Variants in PPFIA2 observed in about 807,000 individuals in gnomAD.
The protein encoded by PPFIA2 is PPFI scaffold protein A2.
PPFIA2 carries 46 observed loss-of-function variants against 175.5 expected under a neutral mutation model. The ratio of observed to expected loss-of-function variants is 0.26; its 90% CI spans 0.21 to 0.34. The LOEUF (loss-of-function observed/expected upper bound fraction) is 0.34. Among genes scored for constraint, PPFIA2 ranks in the 10% least tolerant of loss-of-function variants. PPFIA2 has a pLI of 1.00. For synonymous variants in PPFIA2, 568 were observed against 511.4 expected, an observed-to-expected ratio of 1.11 and a Z score of -1.49; for missense variants, 1,179 against 1,506.1, an observed-to-expected ratio of 0.78 and a Z score of 3.60.
At chr12:81,486,943 A>G (rs2058889129) in intron 4 of PPFIA2, among the ~76,000 whole-genome samples, 2 of 151,972 alleles carry the variant, frequency 1.3e-5, no homozygotes, top group Admixed American at 1.3e-4. Flanking sequence ...CTTATAGTCA[A>G]ATAATAAACC....
intron 7 of PPFIA2, among the ~76,000 whole-genome samples, chr12:81,412,506 G>A (rs2044170618): frequency 6.6e-6 from 1 of 151,714 alleles, no homozygotes; most frequent in Non-Finnish European, 1.5e-5. Flanking sequence ...AGATTTCTTG[G>A]TAAAAGACCC....
intron 4 of PPFIA2, among the ~76,000 whole-genome samples, chr12:81,652,029 ATTTC>A (rs989420216): frequency 6.6e-6 from 1 of 151,536 alleles, no homozygotes; most frequent in Non-Finnish European, 1.5e-5. Context: ...CTGAACGTTG[ATTTC>A]TTTATTTGTA....
Position 81,384,132 on chromosome 12 carries a change from G to A in PPFIA2, c.875C>T (p.Ala292Val), listed in dbSNP as rs1329184216. The A allele has an allele frequency of 1.2e-6, 2 of 1,612,802 alleles. No homozygotes were observed. Among genetic ancestry groups the A allele is most frequent in the East Asian group, 2.2e-5 (1 of 44,774 alleles). The change falls in exon 9 of 33, where the codon GCA (alanine) becomes GTA (valine). Residue 292 changes from alanine to valine, a missense_variant. Physicochemically the swap from Ala to Val is moderately conservative, Grantham distance 64. This residue lies in a region of PPFIA2 where 226 missense variants were observed against 216.6 expected (regional missense o/e 1.04). Coordinates refer to ENST00000549396, the MANE Select transcript of PPFIA2 (RefSeq NM_003625.5). Reference protein sequence around the residue: ...YEMAQMKERLAALSSRVGEVE... With the variant: ...YEMAQMKERLVALSSRVGEVE... ...CTCTCCCACTCGGGAAGAAAGGGCTGCTAAACGTTCTTTCATCTGGGCCAT... is the reference window on the plus strand; with the variant it reads ...CTCTCCCACTCGGGAAGAAAGGGCTACTAAACGTTCTTTCATCTGGGCCAT...
chr12:81,647,779 A>ATACATATAATATAATATATATTAT (rs1232835418), intron 4 of PPFIA2, among the ~76,000 whole-genome samples: 4 of 126,910 alleles, frequency 3.2e-5, no homozygotes, highest in Non-Finnish European at 6.5e-5. Flanking sequence ...ATATATATAT[A>ATACATATAATATAATATATATTAT]ATATACATAT....
At chr12:81,422,995 AAT>A (rs1402306021) in intron 7 of PPFIA2, among the ~76,000 whole-genome samples, 3 of 152,168 alleles carry the variant, frequency 2.0e-5, no homozygotes, top group Non-Finnish European at 4.4e-5. Flanking sequence ...TACTATGAAC[AAT>A]TATAACCCAG....
At chr12:81,411,487 A>G (rs1203652061) in intron 7 of PPFIA2, among the ~76,000 whole-genome samples, 2 of 152,046 alleles carry the variant, frequency 1.3e-5, no homozygotes, top group Non-Finnish European at 2.9e-5. Context: ...TGCCTCTGTC[A>G]GGTTGATTTT....
At chr12:81,266,560 C>T (rs2037316367) in intron 30 of PPFIA2, among the ~76,000 whole-genome samples, 1 of 152,040 alleles carries the variant, frequency 6.6e-6, no homozygotes, top group Non-Finnish European at 1.5e-5. Context: ...TTTTAATTTT[C>T]TAAAATTTCC....
At chr12:81,487,554 C>A (rs2058968707) in intron 4 of PPFIA2, among the ~76,000 whole-genome samples, 1 of 151,734 alleles carries the variant, frequency 6.6e-6, no homozygotes, top group Non-Finnish European at 1.5e-5. Flanking sequence ...GGCCTTGTCA[C>A]TGGCGATTCT....
At chr12:81,415,865 T>C (rs2045154744) in intron 7 of PPFIA2, among the ~76,000 whole-genome samples, 1 of 151,492 alleles carries the variant, frequency 6.6e-6, no homozygotes, top group Non-Finnish European at 1.5e-5. Flanking sequence ...TAATGAAAAT[T>C]ACAACTTTGT....
intron 4 of PPFIA2, among the ~76,000 whole-genome samples, chr12:81,464,884 GAA>G (rs11422177): frequency 2.1e-5 from 3 of 145,576 alleles, no homozygotes; most frequent in South Asian, 4.3e-4. Flanking sequence ...AATAGAGCTG[GAA>G]AAAAAAAAAA....
In PPFIA2 at chr12:81,717,650, T is replaced by C. The variant is rs142047993; in HGVS notation, c.249+36323A>G. 8.9e-4 allele frequency among the ~76,000 whole-genome samples: 135 copies of C among 151,832 alleles called. 1 individual carries two copies. Among genetic ancestry groups the C allele is most frequent in the African/African-American group, 3.1e-3 (129 of 41,480 alleles). On this transcript the variant is annotated intron_variant, in intron 3 of 32. Transcript: ENST00000549396. ...AATATAGTCATTCAAAATTACTTAA[T>C]TGAGCACCAATATATGCCAGGCACT...
chr12:81,637,055 A>C (rs60243822), intron 4 of PPFIA2, among the ~76,000 whole-genome samples: 35,478 of 151,304 alleles, frequency 0.23, 4,962 homozygotes, highest in African/African-American at 0.39. Context: ...CTTATAATTT[A>C]ATTACTCTAT....
intron 7 of PPFIA2, among the ~76,000 whole-genome samples, chr12:81,416,617 T>C (rs536698767): frequency 6.6e-6 from 1 of 151,784 alleles, no homozygotes; most frequent in South Asian, 2.1e-4. Context: ...ACTGAAGGTA[T>C]TGATTATTAT....
At chr12:81,660,132 T>C (rs567417236) in intron 4 of PPFIA2, among the ~76,000 whole-genome samples, 1 of 152,192 alleles carries the variant, frequency 6.6e-6, no homozygotes, top group South Asian at 2.1e-4. Flanking sequence ...ATTCTAAAAA[T>C]CAGAGCTCCT....
intron 4 of PPFIA2, among the ~76,000 whole-genome samples, chr12:81,540,475 T>A (rs1041150736): frequency 6.6e-6 from 1 of 152,026 alleles, no homozygotes; most frequent in Non-Finnish European, 1.5e-5. Flanking sequence ...AAATGCTTTG[T>A]CAGCTGAAGA....
intron 3 of PPFIA2, among the ~76,000 whole-genome samples, chr12:81,723,718 C>T (rs534604043): frequency 2.7e-5 from 4 of 150,814 alleles, no homozygotes; most frequent in Non-Finnish European, 6.0e-5. Context: ...TATTGTAATG[C>T]AAATTAGAGA....
At chr12:81,553,586 G>A (rs2068313506) in intron 4 of PPFIA2, among the ~76,000 whole-genome samples, 1 of 152,068 alleles carries the variant, frequency 6.6e-6, no homozygotes, top group Non-Finnish European at 1.5e-5. Flanking sequence ...TGGACCTCAT[G>A]TAAGAAGTTC....
chr12:81,743,522 TAAA>T (rs66667057), intron 3 of PPFIA2, among the ~76,000 whole-genome samples: 2 of 145,118 alleles, frequency 1.4e-5, no homozygotes, highest in Non-Finnish European at 3.0e-5. Flanking sequence ...TAGCTTTTTT[TAAA>T]AAAAAAAGAG....
At chr12:81,625,268 T>G (rs2062565587) in intron 4 of PPFIA2, among the ~76,000 whole-genome samples, 1 of 151,848 alleles carries the variant, frequency 6.6e-6, no homozygotes, top group Admixed American at 6.6e-5. Context: ...GCTAAAACTA[T>G]GTACTTACAC....
Sources: allele counts gnomAD v4.1 joint callset (sites outside exome capture counted in the v4.1 genomes callset), GRCh38; gene constraint gnomAD v4.1.1; regional missense constraint gnomAD v4.1.1; transcripts MANE v1.5; gene names NCBI Gene and HGNC (gene_info 2026-07-23, HGNC 2026-07-21).